Variants in LOC122539214 observed in about 807,000 individuals in gnomAD.
chr19:52,659,611 C>G, the LOC122539214 span, among the ~76,000 whole-genome samples: 1 of 60,470 alleles, frequency 1.7e-5, no homozygotes, highest in Admixed American at 1.4e-4. Context: ...AAGACTCCAA[C>G]TCAAAAAAAA....
the LOC122539214 span, among the ~76,000 whole-genome samples, chr19:52,658,740 C>A: frequency 6.6e-6 from 1 of 152,090 alleles, no homozygotes; most frequent in Non-Finnish European, 1.5e-5. Context: ...ATAGAGGCTT[C>A]CCCAGTTAAG....
the LOC122539214 span, among the ~76,000 whole-genome samples, chr19:52,655,919 A>G: frequency 1.9e-5 from 2 of 107,266 alleles, no homozygotes; most frequent in African/African-American, 7.9e-5. Flanking sequence ...GGAAAATACA[A>G]AAAATATATG....
chr19:52,659,006 G>A, the LOC122539214 span, among the ~76,000 whole-genome samples: 4 of 152,172 alleles, frequency 2.6e-5, no homozygotes, highest in Admixed American at 2.0e-4. Context: ...CAGGCGATTG[G>A]GCACCCAGCA....
At chr19:52,670,387 G>C in the LOC122539214 span, among the ~76,000 whole-genome samples, 1 of 152,202 alleles carries the variant, frequency 6.6e-6, no homozygotes, top group Non-Finnish European at 1.5e-5. Flanking sequence ...AGGGCCATGT[G>C]CATCAGAAAT....
the LOC122539214 span, chr19:52,653,976 A>G: frequency 7.3e-7 from 1 of 1,373,840 alleles, no homozygotes; most frequent in South Asian, 1.2e-5. Flanking sequence ...TCCCATACCT[A>G]TTAGAAATAT....
the LOC122539214 span, among the ~76,000 whole-genome samples, chr19:52,656,467 G>A: frequency 6.6e-6 from 1 of 152,030 alleles, no homozygotes; most frequent in Admixed American, 6.6e-5. Context: ...AGAGGTTGTG[G>A]TAAGCTGAGA....
chr19:52,662,439 C>T, the LOC122539214 span, among the ~76,000 whole-genome samples: 1 of 151,942 alleles, frequency 6.6e-6, no homozygotes, highest in Non-Finnish European at 1.5e-5. Context: ...AACATGGAGT[C>T]GTGTAGGTGG....
the LOC122539214 span, among the ~76,000 whole-genome samples, chr19:52,664,914 A>G: frequency 5.9e-5 from 9 of 152,244 alleles, no homozygotes; most frequent in African/African-American, 1.9e-4. Context: ...GAGTCAGGGA[A>G]ATAGTACCTC....
chr19:52,655,724 A>G, the LOC122539214 span: 1 of 827,928 alleles, frequency 1.2e-6, no homozygotes, highest in Non-Finnish European at 2.0e-6. Context: ...AACATTAGGG[A>G]GGAGTCATTA....
chr19:52,657,355 T>C, the LOC122539214 span, among the ~76,000 whole-genome samples: 2 of 151,972 alleles, frequency 1.3e-5, no homozygotes, highest in South Asian at 2.1e-4. Context: ...AGGTAGCTCA[T>C]ATCAGGAATT....
chr19:52,657,515 G>A, the LOC122539214 span, among the ~76,000 whole-genome samples: 3 of 151,396 alleles, frequency 2.0e-5, no homozygotes, highest in Admixed American at 6.6e-5. Flanking sequence ...GTGACAGAGT[G>A]AGACTGTCTC....
the LOC122539214 span, among the ~76,000 whole-genome samples, chr19:52,679,180 G>A: frequency 1.3e-5 from 2 of 152,208 alleles, no homozygotes; most frequent in African/African-American, 4.8e-5. Flanking sequence ...AGCCTCATAG[G>A]AGGCTGTGAG....
chr19:52,655,433 C>T, the LOC122539214 span: 1 of 900,436 alleles, frequency 1.1e-6, no homozygotes, highest in Non-Finnish European at 1.7e-6. Flanking sequence ...AGGATCATCA[C>T]TGCAGAAAAC....
At chr19:52,652,970 T>C in the LOC122539214 span, 2 of 1,313,494 alleles carry the variant, frequency 1.5e-6, no homozygotes, top group Non-Finnish European at 1.1e-6. Context: ...CCACACTCAT[T>C]ACACCTGTAA....
chr19:52,653,579 C>T, the LOC122539214 span, among the ~76,000 whole-genome samples: 10 of 152,122 alleles, frequency 6.6e-5, no homozygotes, highest in Admixed American at 6.5e-5. Flanking sequence ...GGTTTCTCTC[C>T]AGTATGACGT....
chr19:52,675,920 A>C, the LOC122539214 span, among the ~76,000 whole-genome samples: 2 of 152,212 alleles, frequency 1.3e-5, no homozygotes, highest in Admixed American at 1.3e-4. Flanking sequence ...GGCCAGGTGC[A>C]GTGGCTCATG....
the LOC122539214 span, among the ~76,000 whole-genome samples, chr19:52,681,184 C>A: frequency 9.0e-5 from 13 of 144,112 alleles, no homozygotes; most frequent in African/African-American, 3.3e-4. Context: ...ACACAGGAAG[C>A]TGAGGTAGGA....
chr19:52,687,635 A>ATATATATATATATATATATATAATG, the LOC122539214 span, among the ~76,000 whole-genome samples: 18 of 14,728 alleles, frequency 1.2e-3, 2 homozygotes, highest in Non-Finnish European at 2.3e-3. Context: ...TATATAATGT[A>ATATATATATATATATATATATAATG]TATATATATA....
At chr19:52,657,845 CT>C in the LOC122539214 span, among the ~76,000 whole-genome samples, 18 of 148,350 alleles carry the variant, frequency 1.2e-4, no homozygotes, top group African/African-American at 4.5e-4. Context: ...AAAACTCTGT[CT>C]AAAAAAAAAA....
Sources: allele counts gnomAD v4.1 joint callset (sites outside exome capture counted in the v4.1 genomes callset), GRCh38; gene constraint gnomAD v4.1.1; transcripts MANE v1.5.